PRKAR2B: variants seen among roughly 807,000 people sequenced by gnomAD.
PRKAR2B encodes protein kinase cAMP-dependent type II regulatory subunit beta, also known as cAMP-dependent protein kinase type II-beta regulatory subunit.
A neutral mutation model predicts 49.9 loss-of-function variants in PRKAR2B; 14 were observed. The observed-to-expected ratio is 0.28, with a 90% CI of 0.19 to 0.44. PRKAR2B has a LOEUF of 0.44. Ranked by LOEUF, PRKAR2B falls within the 20% of genes least tolerant of loss-of-function variation. The probability of loss-of-function intolerance (pLI) is 1.00; values close to 1 mark genes in which losing one functional copy is unlikely to be tolerated. For missense variants in PRKAR2B, 393 were observed against 537.9 expected, an observed-to-expected ratio of 0.73 and a Z score of 2.67; for synonymous variants, 196 against 197.7, an observed-to-expected ratio of 0.99 and a Z score of 0.07.
chr7:107,141,100 G>T, intron 5 of PRKAR2B, 147 bp downstream of exon 5: 1 of 545,114 alleles, frequency 1.8e-6, no homozygotes, highest in Non-Finnish European at 3.2e-6. Context: ...TAAACCTGTT[G>T]TGAGTACATG....
At chr7:107,092,372 T>C (rs1340547510) in intron 2 of PRKAR2B, among the ~76,000 whole-genome samples, 1 of 151,960 alleles carries the variant, frequency 6.6e-6, no homozygotes, top group Non-Finnish European at 1.5e-5. Flanking sequence ...TAGGTCTTTA[T>C]AGTCCTACCT....
intron 5 of PRKAR2B, among the ~76,000 whole-genome samples, chr7:107,145,500 A>G (rs1052288148): frequency 1.3e-5 from 2 of 152,208 alleles, no homozygotes; most frequent in Non-Finnish European, 2.9e-5. Context: ...GAATATGCCT[A>G]GAATCCCTCA....
chr7:107,121,325 A>G (rs867005755), intron 2 of PRKAR2B, among the ~76,000 whole-genome samples: 1 of 152,154 alleles, frequency 6.6e-6, no homozygotes, highest in Non-Finnish European at 1.5e-5. Context: ...AATGTTCAGT[A>G]TTAGAGAAAT....
chr7:107,056,508 GT>G (rs1184982299), intron 1 of PRKAR2B, among the ~76,000 whole-genome samples: 2 of 152,154 alleles, frequency 1.3e-5, no homozygotes, highest in African/African-American at 4.8e-5. Context: ...GTGGTTTGTA[GT>G]TCTCCTTGAA....
intron 2 of PRKAR2B, among the ~76,000 whole-genome samples, chr7:107,084,202 T>G (rs895930584): frequency 1.3e-5 from 2 of 152,182 alleles, no homozygotes; most frequent in Non-Finnish European, 2.9e-5. Context: ...AGCATTTAAA[T>G]TATTGTGCTT....
intron 4 of PRKAR2B, among the ~76,000 whole-genome samples, chr7:107,131,469 C>T (rs1034581045): frequency 6.6e-6 from 1 of 152,042 alleles, no homozygotes; most frequent in African/African-American, 2.4e-5. Flanking sequence ...CATAAGAGTT[C>T]TTTTAGACTT....
chr7:107,087,249 A>G (rs1443748159), intron 2 of PRKAR2B, among the ~76,000 whole-genome samples: 1 of 152,136 alleles, frequency 6.6e-6, no homozygotes, highest in Non-Finnish European at 1.5e-5. Flanking sequence ...TCATCCATCA[A>G]ATATGGACTT....
chr7:107,093,509 TTTC>T (rs1208185499), intron 2 of PRKAR2B, among the ~76,000 whole-genome samples: 2 of 113,382 alleles, frequency 1.8e-5, no homozygotes, highest in East Asian at 4.7e-4. Context: ...CCCACTTTTT[TTTC>T]TTTTTTTTTT....
intron 2 of PRKAR2B, among the ~76,000 whole-genome samples, chr7:107,081,480 G>C (rs537076101): frequency 6.4e-4 from 84 of 130,506 alleles, no homozygotes; most frequent in Non-Finnish European, 1.0e-3. Flanking sequence ...TCTCATCTCT[G>C]AGAGCCCAGC....
intron 5 of PRKAR2B, among the ~76,000 whole-genome samples, chr7:107,142,622 C>T (rs1206899273): frequency 6.6e-6 from 1 of 152,166 alleles, no homozygotes; most frequent in Non-Finnish European, 1.5e-5. Context: ...GCACTTGGTT[C>T]AGATCACCCA....
At chr7:107,094,180 C>G (rs902735584) in intron 2 of PRKAR2B, among the ~76,000 whole-genome samples, 7 of 152,128 alleles carry the variant, frequency 4.6e-5, no homozygotes, top group African/African-American at 7.2e-5. Flanking sequence ...CCTGTTGTTT[C>G]CTGACTTTTT....
At chr7:107,062,467 C>T (rs985142246) in intron 1 of PRKAR2B, among the ~76,000 whole-genome samples, 3 of 152,030 alleles carry the variant, frequency 2.0e-5, no homozygotes, top group Non-Finnish European at 2.9e-5. Flanking sequence ...AAGAACAGTA[C>T]GAATTAATCT....
rs1482595967 is a variant in PRKAR2B, at chr7:107,142,753, GC to G, written c.587+1803del. ...AGAAGAAGTCTGTGTGAAAAAAACA[GC>G]CCAAGATTTTTTGTTTGTTTTTTTT... On this transcript the variant is annotated intron_variant, in intron 5 of 10. Transcript: ENST00000265717. Among the ~76,000 whole-genome samples the G allele has an allele frequency of 2.0e-5, 3 of 151,808 alleles. No individual in the cohort carries two copies. The East Asian group carries it at 5.8e-4, about 29-fold the overall frequency.
intron 2 of PRKAR2B, among the ~76,000 whole-genome samples, chr7:107,110,281 C>T (rs1359291698): frequency 1.3e-5 from 2 of 152,152 alleles, no homozygotes; most frequent in African/African-American, 2.4e-5. Context: ...CGGCAAGCCT[C>T]ACCACCTTGG....
intron 7 of PRKAR2B, 60 bp downstream of exon 7, chr7:107,151,083 A>G (rs906351872): frequency 1.0e-6 from 1 of 994,776 alleles, no homozygotes; most frequent in Non-Finnish European, 1.4e-6. Flanking sequence ...TTTGCTAGGA[A>G]TATTTAGTTC....
intron 2 of PRKAR2B, among the ~76,000 whole-genome samples, chr7:107,117,872 A>G (rs1795309660): frequency 6.6e-6 from 1 of 152,174 alleles, no homozygotes; most frequent in Non-Finnish European, 1.5e-5. Context: ...CTCTATCTGC[A>G]ATGTGGGAAT....
intron 6 of PRKAR2B, among the ~76,000 whole-genome samples, chr7:107,150,363 A>C (rs1401964967): frequency 6.6e-6 from 1 of 152,114 alleles, no homozygotes; most frequent in Non-Finnish European, 1.5e-5. Context: ...ACATTAAATA[A>C]AAATTTTTTT....
At chr7:107,067,590 G>A (rs887907949) in intron 1 of PRKAR2B, among the ~76,000 whole-genome samples, 3 of 152,268 alleles carry the variant, frequency 2.0e-5, no homozygotes, top group Non-Finnish European at 4.4e-5. Flanking sequence ...CAAGTAAAAT[G>A]TATTTCAGTA....
chr7:107,048,446 T>G (rs902098934), intron 1 of PRKAR2B, among the ~76,000 whole-genome samples: 3 of 152,166 alleles, frequency 2.0e-5, no homozygotes, highest in Admixed American at 6.5e-5. Flanking sequence ...TTGGTTCATA[T>G]CCTCTCTTGT....
Sources: gnomAD v4.1 joint callset for allele counts (sites outside exome capture counted in the v4.1 genomes callset) on GRCh38, gnomAD v4.1.1 for gene constraint, MANE v1.5 for transcripts, NCBI Gene and HGNC (gene_info 2026-07-23, HGNC 2026-07-21) for gene names.